CUX1: variants seen among roughly 807,000 people sequenced by gnomAD.
CUX1 encodes the protein protein CASP.
In CUX1, 31 loss-of-function variants were observed where a neutral mutation model predicts 158.8. The observed-to-expected ratio is 0.20, with a 90% confidence interval of 0.15 to 0.26. CUX1 has a LOEUF of 0.26. Ranked by LOEUF, CUX1 falls within the 10% of genes least tolerant of loss-of-function variation. CUX1 has a pLI of 1.00. For missense variants in CUX1, 1,589 were observed against 2,014.6 expected, an observed-to-expected ratio of 0.79 and a Z score of 4.04; for synonymous variants, 879 against 862.1, an observed-to-expected ratio of 1.02 and a Z score of -0.34.
chr7:101,828,294 G>GA (rs1287313662), intron 1 of CUX1, among the ~76,000 whole-genome samples: 58 of 146,882 alleles, frequency 3.9e-4, no homozygotes, highest in Middle Eastern at 3.5e-3. Flanking sequence ...TTTTATTATG[G>GA]AAAAAAAAAA....
At chr7:101,836,352 A>G (rs1794628450) in intron 1 of CUX1, among the ~76,000 whole-genome samples, 1 of 152,088 alleles carries the variant, frequency 6.6e-6, no homozygotes, top group Non-Finnish European at 1.5e-5. Context: ...AGGCAGGTGG[A>G]TCGCTTGAGC....
chr7:102,206,117 C>T (rs1028359997), intron 20 of CUX1, among the ~76,000 whole-genome samples: 7 of 152,162 alleles, frequency 4.6e-5, no homozygotes, highest in Admixed American at 1.3e-4. Flanking sequence ...ATGTGTAGCA[C>T]GGGGAACAGC....
chr7:101,976,385 T>C (rs1812681555), intron 2 of CUX1, among the ~76,000 whole-genome samples: 1 of 152,222 alleles, frequency 6.6e-6, no homozygotes, highest in Non-Finnish European at 1.5e-5. Flanking sequence ...TTCCTTTAAA[T>C]ATTCTGAATA....
downstream of CUX1, among the ~76,000 whole-genome samples, chr7:102,258,444 A>G (rs1399545990): frequency 1.3e-5 from 2 of 152,074 alleles, no homozygotes; most frequent in African/African-American, 4.8e-5. Context: ...TGCTCTGTCA[A>G]TCTGCATCTG....
chr7:101,817,450 G>T (rs2130864462), upstream of CUX1: 1 of 984,252 alleles, frequency 1.0e-6, no homozygotes, highest in African/African-American at 1.7e-5. The surrounding 1 kb of genome is among the most constrained non-coding windows in gnomAD (Gnocchi z 4.1). Context: ...GTCCGCGCGC[G>T]GAGTCCCCGG....
chr7:102,281,946 A>T, intron 21 of CUX1: 3 of 1,518,942 alleles, frequency 2.0e-6, no homozygotes, highest in Non-Finnish European at 2.7e-6. Flanking sequence ...GGCGGGCCAG[A>T]GGCACATTCA....
chr7:101,997,328 TTTTGTTTG>T (rs371966449), intron 2 of CUX1, among the ~76,000 whole-genome samples: 4 of 152,188 alleles, frequency 2.6e-5, no homozygotes, highest in East Asian at 1.9e-4. Flanking sequence ...TGGTTTGTTT[TTTTGTTTG>T]TTTGTTTGTT....
chr7:102,220,443 A>AGG (rs1304728681), intron 20 of CUX1, among the ~76,000 whole-genome samples: 2 of 152,212 alleles, frequency 1.3e-5, no homozygotes, highest in African/African-American at 4.8e-5. Flanking sequence ...GTAAACCACC[A>AGG]GGGGGTGTGG....
intron 23 of CUX1, among the ~76,000 whole-genome samples, chr7:102,243,948 A>G (rs1304550733): frequency 1.3e-5 from 2 of 151,396 alleles, no homozygotes; most frequent in African/African-American, 4.9e-5. Context: ...AATCTCTTGA[A>G]CTCCGGAGGC....
At chr7:102,163,889 G>C (rs1275216763) in intron 9 of CUX1, among the ~76,000 whole-genome samples, 1 of 152,174 alleles carries the variant, frequency 6.6e-6, no homozygotes, top group Non-Finnish European at 1.5e-5. Flanking sequence ...GTTCTACGGA[G>C]ACCTGAAGTG....
intron 3 of CUX1, among the ~76,000 whole-genome samples, chr7:102,036,919 A>G (rs1185151923): frequency 6.6e-6 from 1 of 151,816 alleles, no homozygotes; most frequent in Non-Finnish European, 1.5e-5. Flanking sequence ...GACCGAGTGC[A>G]CTGGCTGCTA....
chr7:102,030,788 A>C (rs1820702786), intron 3 of CUX1, among the ~76,000 whole-genome samples: 1 of 140,790 alleles, frequency 7.1e-6, no homozygotes, highest in South Asian at 2.2e-4. Flanking sequence ...TGGGCTCAGC[A>C]ATCTTCTTGC....
At chr7:101,939,055 ATACATATATAT>A (rs1175871343) in intron 2 of CUX1, among the ~76,000 whole-genome samples, 2 of 77,488 alleles carry the variant, frequency 2.6e-5, no homozygotes, top group African/African-American at 1.2e-4. Context: ...AAAAAAAAAA[ATACATATATAT>A]ATATATATAT....
intron 9 of CUX1, among the ~76,000 whole-genome samples, chr7:102,167,636 T>G (rs1554509211): frequency 6.6e-6 from 1 of 152,224 alleles, no homozygotes; most frequent in African/African-American, 2.4e-5. Flanking sequence ...GAGTCTTAGA[T>G]ATTTTCTGCC....
At chr7:102,053,790 G>A (rs1371330662) in intron 3 of CUX1, among the ~76,000 whole-genome samples, 2 of 147,620 alleles carry the variant, frequency 1.4e-5, no homozygotes, top group Non-Finnish European at 3.0e-5. Context: ...CATTCTGTGG[G>A]TTGTCTTCTC....
In CUX1 at chr7:102,257,485, G is replaced by A; in HGVS notation, c.*8443G>A. ...CACCCAAAATTCTTAAAACATTGGA[G>A]AATAGCTTGTTATAAAATAAAAGTG... is the stretch of plus-strand genomic sequence containing the variant. On this transcript the variant is annotated 3_prime_UTR_variant, in exon 24 of 24. Transcript: ENST00000292535. 4 of 985,314 alleles carry A rather than the reference G, an allele frequency of 4.1e-6. No homozygotes were observed. The highest frequency in any genetic ancestry group is 4.8e-6 in the Non-Finnish European group (4 of 829,904). The allele number at this position is 985,314 out of a possible 1,614,324, so 61.0% of individuals were successfully genotyped here.
At chr7:102,202,421 G>A (rs1204560281) in intron 18 of CUX1, among the ~76,000 whole-genome samples, 1 of 152,202 alleles carries the variant, frequency 6.6e-6, no homozygotes, top group Non-Finnish European at 1.5e-5. Flanking sequence ...TCTAGGCTCA[G>A]CCTTTCACCT....
At chr7:101,950,233 C>T (rs1206918012) in intron 2 of CUX1, among the ~76,000 whole-genome samples, 1 of 152,140 alleles carries the variant, frequency 6.6e-6, no homozygotes, top group Admixed American at 6.5e-5. Flanking sequence ...TGGTCCTGAA[C>T]TCCTGATCTC....
intron 20 of CUX1, among the ~76,000 whole-genome samples, chr7:102,215,077 G>T (rs1418591699): frequency 2.6e-5 from 4 of 152,164 alleles, no homozygotes; most frequent in Non-Finnish European, 5.9e-5. Flanking sequence ...CCGGGCCCCA[G>T]AGGGACACTC....
Sources: gnomAD v4.1 joint callset for allele counts (sites outside exome capture counted in the v4.1 genomes callset) on GRCh38, gnomAD v4.1.1 for gene constraint, Gnocchi (gnomAD v3.1) non-coding constraint, MANE v1.5 for transcripts, NCBI Gene and HGNC (gene_info 2026-07-23, HGNC 2026-07-21) for gene names.